The following GALNTL6 variants were observed in gnomAD, a reference collection of about 807,000 sequenced individuals.
The protein encoded by GALNTL6 is polypeptide N-acetylgalactosaminyltransferase like 6, also known as polypeptide N-acetylgalactosaminyltransferase-like 6.
Under a neutral mutation model 73.7 loss-of-function variants are expected in GALNTL6, and 46 were observed. The ratio of observed to expected loss-of-function variants is 0.62; its 90% CI spans 0.49 to 0.80. The LOEUF is 0.80. GALNTL6 is among the 30% of genes least tolerant of loss of function. The pLI is 0.00. For synonymous variants in GALNTL6, 259 were observed against 263.7 expected (o/e 0.98, Z 0.17); for missense variants, 604 against 755.0 (o/e 0.80, Z 2.34).
At chr4:172,720,940 C>T (rs1228233035) in intron 5 of GALNTL6, among the ~76,000 whole-genome samples, 1 of 152,132 alleles carries the variant, frequency 6.6e-6, no homozygotes, top group Non-Finnish European at 1.5e-5. Flanking sequence ...ATGGTTGATT[C>T]CTCTTAATAG....
intron 12 of GALNTL6, among the ~76,000 whole-genome samples, chr4:173,039,279 A>G (rs1057357835): frequency 6.6e-6 from 1 of 152,216 alleles, no homozygotes; most frequent in East Asian, 1.9e-4. Context: ...GATTGAGAGG[A>G]GACTGAAGCT....
At position 172,197,387 on chromosome 4, in the gene GALNTL6, A is replaced by G. The variant is rs373075678; in HGVS notation, c.139-32269A>G. Among the ~76,000 whole-genome samples the G allele has an allele frequency of 2.2e-4, 34 of 152,324 alleles. No individual in the cohort carries two copies. In the East Asian group the frequency reaches 5.6e-3, roughly 25 times the overall value. ...CTGCCCAAAGTAATTCATAGATTCA[A>G]TGCTATTCCCATTAAACTACCATTG... On this transcript the variant is annotated intron_variant, in intron 2 of 12. Transcript: ENST00000506823.
chr4:171,903,377 G>T, intron 2 of GALNTL6, among the ~76,000 whole-genome samples: 1 of 152,122 alleles, frequency 6.6e-6, no homozygotes, highest in Non-Finnish European at 1.5e-5. Flanking sequence ...AAAGAAAGGG[G>T]TGATGGACGG....
intron 2 of GALNTL6, among the ~76,000 whole-genome samples, chr4:172,103,813 C>T (rs1283571606): frequency 6.6e-6 from 1 of 152,164 alleles, no homozygotes; most frequent in Admixed American, 6.5e-5. Context: ...AAAAGGGAGG[C>T]TTGCCTGACA....
chr4:172,371,717 TTCTC>T (rs1302452748), intron 5 of GALNTL6, among the ~76,000 whole-genome samples: 2 of 152,066 alleles, frequency 1.3e-5, no homozygotes, highest in Non-Finnish European at 2.9e-5. Flanking sequence ...TTCTGTCTCT[TTCTC>T]TCTTTCCTTC....
chr4:172,945,226 A>G (rs971728358), intron 9 of GALNTL6, among the ~76,000 whole-genome samples: 1 of 152,196 alleles, frequency 6.6e-6, no homozygotes, highest in Admixed American at 6.5e-5. Context: ...AAATTAAACT[A>G]TAGTGAAAAA....
intron 2 of GALNTL6, among the ~76,000 whole-genome samples, chr4:171,927,913 G>A (rs540586421): frequency 6.6e-6 from 1 of 152,046 alleles, no homozygotes; most frequent in East Asian, 1.9e-4. Context: ...ATTAACTTTG[G>A]ACGCCACTCG....
intron 3 of GALNTL6, among the ~76,000 whole-genome samples, chr4:172,288,202 C>T (rs562817553): frequency 4.0e-5 from 6 of 151,584 alleles, no homozygotes; most frequent in South Asian, 4.2e-4. Flanking sequence ...GCCATTCTTC[C>T]GCCTCAGCCT....
intron 2 of GALNTL6, among the ~76,000 whole-genome samples, chr4:172,102,181 T>G (rs1444234136): frequency 6.6e-6 from 1 of 152,142 alleles, no homozygotes. Context: ...TATAACCCAG[T>G]GGAGATTTAC....
chr4:172,133,166 T>C (rs1433902300), intron 2 of GALNTL6, among the ~76,000 whole-genome samples: 2 of 152,208 alleles, frequency 1.3e-5, no homozygotes, highest in Non-Finnish European at 2.9e-5. Flanking sequence ...GATCGTTAGT[T>C]AAGCACAGCA....
At chr4:172,539,869 A>G (rs1579168296) in intron 5 of GALNTL6, among the ~76,000 whole-genome samples, 1 of 84,802 alleles carries the variant, frequency 1.2e-5, no homozygotes, top group Non-Finnish European at 2.2e-5. Flanking sequence ...ATGATTATAC[A>G]TATGATTATA....
At chr4:171,814,851 T>TAG in intron 2 of GALNTL6, 133 bp downstream of exon 2, 3 of 823,320 alleles carry the variant, frequency 3.6e-6, no homozygotes, top group Non-Finnish European at 5.7e-6. Context: ...ATTACAAGAC[T>TAG]CTAGAGACTT....
At chr4:172,389,665 A>T (rs1313052302) in intron 5 of GALNTL6, among the ~76,000 whole-genome samples, 3 of 152,166 alleles carry the variant, frequency 2.0e-5, no homozygotes, top group Non-Finnish European at 1.5e-5. Flanking sequence ...ACATGGCTTC[A>T]GTCTTCAGCT....
chr4:172,810,205 A>G (rs969798374), intron 6 of GALNTL6, among the ~76,000 whole-genome samples: 2 of 152,194 alleles, frequency 1.3e-5, no homozygotes, highest in Admixed American at 6.5e-5. Context: ...AAGCTGAGGG[A>G]AAGAAGATTA....
chr4:172,614,883 G>A (rs1738663279), intron 5 of GALNTL6, among the ~76,000 whole-genome samples: 1 of 152,046 alleles, frequency 6.6e-6, no homozygotes, highest in South Asian at 2.1e-4. Context: ...TTTGATTAAT[G>A]GGTTTGGTTA....
At chr4:172,450,142 G>A (rs936691953) in intron 5 of GALNTL6, among the ~76,000 whole-genome samples, 7 of 151,572 alleles carry the variant, frequency 4.6e-5, no homozygotes, top group East Asian at 1.9e-4. Context: ...GCTTGAACCC[G>A]GGAGGCAGAG....
chr4:172,353,190 C>G (rs1741998657), intron 5 of GALNTL6, among the ~76,000 whole-genome samples: 1 of 152,096 alleles, frequency 6.6e-6, no homozygotes, highest in South Asian at 2.1e-4. Flanking sequence ...CCTGTAATCC[C>G]AGCACTTTGG....
At chr4:171,971,609 C>CAGTCG (rs1560865342) in intron 2 of GALNTL6, among the ~76,000 whole-genome samples, 77 of 152,234 alleles carry the variant, frequency 5.1e-4, no homozygotes, top group African/African-American at 1.7e-3. Flanking sequence ...GCATGCAGTC[C>CAGTCG]TCTCCAAAAC....
At chr4:172,467,405 T>A (rs989710166) in intron 5 of GALNTL6, among the ~76,000 whole-genome samples, 1 of 152,226 alleles carries the variant, frequency 6.6e-6, no homozygotes, top group African/African-American at 2.4e-5. Flanking sequence ...GGCTACCCTA[T>A]GCAACTGCGA....
Sources: allele counts gnomAD v4.1 joint callset (sites outside exome capture counted in the v4.1 genomes callset), GRCh38; gene constraint gnomAD v4.1.1; transcripts MANE v1.5; gene names NCBI Gene and HGNC (gene_info 2026-07-23, HGNC 2026-07-21).